Variants in MBD5 observed in about 807,000 individuals in gnomAD.
MBD5 encodes methyl-CpG-binding domain protein 5.
Under a neutral mutation model 117.3 loss-of-function variants are expected in MBD5, and 13 were observed. The observed-to-expected ratio is 0.11, with a 90% CI of 0.07 to 0.18. MBD5 has a LOEUF of 0.18. Ranked by LOEUF, MBD5 falls within the 10% of genes least tolerant of loss-of-function variation. The pLI, the probability that MBD5 is intolerant of heterozygous loss-of-function variation, is 1.00. For synonymous variants in MBD5, 727 were observed against 766.4 expected, an observed-to-expected ratio of 0.95 and a Z score of 0.85; for missense variants, 1,879 against 2,093.8, an observed-to-expected ratio of 0.90 and a Z score of 2.00.
chr2:148,512,603 C>G (rs947194521), intron 13 of MBD5, among the ~76,000 whole-genome samples: 2 of 152,154 alleles, frequency 1.3e-5, no homozygotes, highest in African/African-American at 4.8e-5. Flanking sequence ...TTGATTTTGT[C>G]CAGTTCATCC....
chr2:148,370,704 G>A (rs1427836528), intron 4 of MBD5, among the ~76,000 whole-genome samples: 1 of 152,000 alleles, frequency 6.6e-6, no homozygotes, highest in Non-Finnish European at 1.5e-5. Flanking sequence ...GCCCAGGCTG[G>A]TCTCGAACTC....
intron 2 of MBD5, among the ~76,000 whole-genome samples, chr2:148,214,017 G>A (rs114102696): frequency 0.015 from 2,227 of 152,236 alleles, 27 homozygotes; most frequent in Non-Finnish European, 0.023. Flanking sequence ...AGGCCTCTAG[G>A]ATATTCATTC....
intron 3 of MBD5, among the ~76,000 whole-genome samples, chr2:148,243,065 G>A (rs115484511): frequency 0.011 from 1,671 of 151,838 alleles, 20 homozygotes; most frequent in African/African-American, 0.037. Flanking sequence ...CATCAATCAC[G>A]TAAACTTAGG....
intron 3 of MBD5, among the ~76,000 whole-genome samples, chr2:148,329,136 C>A (rs531138474): frequency 6.6e-6 from 1 of 152,204 alleles, no homozygotes; most frequent in Admixed American, 6.5e-5. Flanking sequence ...CCTAAAGGAT[C>A]CTAACCTGGA....
chr2:148,149,093 C>T (rs551097166), intron 1 of MBD5, among the ~76,000 whole-genome samples: 3,470 of 150,604 alleles, frequency 0.023, 61 homozygotes, highest in Middle Eastern at 0.052. Flanking sequence ...TCCCCACTCC[C>T]CCCACCCCAC....
rs1574462777 is a variant in MBD5, at chr2:148,470,807, G to C, written c.2518+346G>C. On this transcript the variant is annotated intron_variant, in intron 8 of 13. Coordinates refer to ENST00000642680, the MANE Select transcript of MBD5 (RefSeq NM_001378120.1). ...TTTGTGAGACATGTCCTTGGTCTAT[G>C]CCAATATAAAAGCCATCTCCCTAGC... 4.0e-5 allele frequency: 11 copies of C among 276,578 alleles called. No homozygotes were observed. In the East Asian group the frequency reaches 7.1e-4, roughly 18 times the overall value. 17.1% of individuals were successfully genotyped at this position (276,578 alleles called of 1,614,324 possible).
At chr2:148,043,931 AG>A (rs1694446121) in intron 1 of MBD5, among the ~76,000 whole-genome samples, 1 of 152,228 alleles carries the variant, frequency 6.6e-6, no homozygotes, top group Non-Finnish European at 1.5e-5. Context: ...TTTCAATTAT[AG>A]CTACTTGAAA....
At position 148,333,700 on chromosome 2, in the gene MBD5, A is replaced by G. The variant is rs145923332; in HGVS notation, c.-679-8514A>G. On this transcript the variant is annotated intron_variant, in intron 3 of 13. Coordinates refer to ENST00000642680, the MANE Select transcript of MBD5 (RefSeq NM_001378120.1). ...CTGCTGAAAAAAAAAAAATAAATAA[A>G]TACAAAAATTAGCCAGGTAAGGTGG... Among the ~76,000 whole-genome samples, 8 of 152,018 alleles carry G rather than the reference A, an allele frequency of 5.3e-5. No individual in the cohort carries two copies. The East Asian group carries it at 1.4e-3, about 26-fold the overall frequency.
intron 1 of MBD5, among the ~76,000 whole-genome samples, chr2:148,146,797 G>C (rs1697479914): frequency 6.6e-6 from 1 of 151,986 alleles, no homozygotes; most frequent in Non-Finnish European, 1.5e-5. Context: ...TTTGCTTTTT[G>C]TTTCTTATAT....
chr2:148,427,355 A>G (rs1705830953), intron 4 of MBD5, among the ~76,000 whole-genome samples: 1 of 152,208 alleles, frequency 6.6e-6, no homozygotes. Flanking sequence ...ATGCACACGT[A>G]TGTTTACTGC....
intron 1 of MBD5, among the ~76,000 whole-genome samples, chr2:148,022,647 C>T (rs903092340): frequency 6.6e-6 from 1 of 152,114 alleles, no homozygotes; most frequent in Non-Finnish European, 1.5e-5. Flanking sequence ...TATTTATTTA[C>T]TGTTGTAAAT....
chr2:148,215,680 C>G lies in MBD5; in HGVS notation c.-830-17565C>G, dbSNP rs538127413. Among the ~76,000 whole-genome samples the G allele has an allele frequency of 1.5e-4, 21 of 141,894 alleles. No individual in the cohort carries two copies. In the South Asian group the frequency reaches 4.8e-3, roughly 32 times the overall value. The allele number at this position is 141,894 out of a possible 152,430, so 93.1% of individuals were successfully genotyped here. The stretch of plus-strand genomic sequence containing the variant: ...AGGAATGCAGGTGTGCAGCACCATG[C>G]CCGGCTAATTTTTTTTTTTTTTTTT... On this transcript the variant is annotated intron_variant, in intron 2 of 13. Coordinates refer to ENST00000642680, the MANE Select transcript of MBD5 (RefSeq NM_001378120.1).
intron 3 of MBD5, among the ~76,000 whole-genome samples, chr2:148,322,221 C>T (rs1038860755): frequency 5.3e-5 from 8 of 152,188 alleles, no homozygotes; most frequent in African/African-American, 1.9e-4. Context: ...AAAATATGGA[C>T]TAAAGTATTT....
intron 4 of MBD5, among the ~76,000 whole-genome samples, chr2:148,409,669 A>G (rs899020553): frequency 6.6e-6 from 1 of 152,218 alleles, no homozygotes; most frequent in Non-Finnish European, 1.5e-5. Flanking sequence ...GTGTCTAAAA[A>G]TGAAGATACA....
Position 148,258,177 on chromosome 2 carries a change from A to C in MBD5, c.-680+24782A>C, listed in dbSNP as rs201213829. On this transcript the variant is annotated intron_variant, in intron 3 of 13. Coordinates refer to ENST00000642680, the MANE Select transcript of MBD5 (RefSeq NM_001378120.1). ...TGTATGTCCGTGCAGCACCAGCTAC[A>C]CCACATGCACTCGGAGTCTGAATTC... is the stretch of plus-strand genomic sequence containing the variant. Among the ~76,000 whole-genome samples the C allele has an allele frequency of 9.2e-5, 14 of 152,270 alleles. No homozygotes were observed. In the East Asian group the frequency reaches 2.7e-3, roughly 29 times the overall value.
chr2:148,216,349 C>T (rs1056931905), intron 2 of MBD5, among the ~76,000 whole-genome samples: 9 of 152,186 alleles, frequency 5.9e-5, no homozygotes, highest in African/African-American at 1.9e-4. Context: ...GGATGAGCTA[C>T]GAAACTACCC....
At position 148,477,029 on chromosome 2, in the gene MBD5, G is replaced by C. The variant is rs76852592; in HGVS notation, c.2519-6081G>C. Among the ~76,000 whole-genome samples, 15 of 152,026 alleles carry C rather than the reference G, an allele frequency of 9.9e-5. No homozygotes were observed. The East Asian group carries it at 2.9e-3, about 29-fold the overall frequency. The stretch of plus-strand genomic sequence containing the variant: ...TTTTAAAAAAAACCCTATTACTTGA[G>C]TAAACTGAAAAATCCCAAGCATTTT... On this transcript the variant is annotated intron_variant, in intron 8 of 13. Transcript: ENST00000642680.
intron 4 of MBD5, among the ~76,000 whole-genome samples, chr2:148,443,721 G>T (rs1374432367): frequency 1.3e-5 from 2 of 151,214 alleles, no homozygotes; most frequent in South Asian, 2.1e-4. Flanking sequence ...GAAAGTAGAA[G>T]GATGGTTATG....
At chr2:148,322,990 C>T (rs1478877009) in intron 3 of MBD5, among the ~76,000 whole-genome samples, 4 of 135,614 alleles carry the variant, frequency 2.9e-5, no homozygotes, top group African/African-American at 5.3e-5. Flanking sequence ...TGCTATCCCT[C>T]CCCACTCCCC....
Sources: allele counts gnomAD v4.1 joint callset (sites outside exome capture counted in the v4.1 genomes callset), GRCh38; gene constraint gnomAD v4.1.1; transcripts MANE v1.5; gene names NCBI Gene and HGNC (gene_info 2026-07-23, HGNC 2026-07-21).